Variants in ATAD2 observed in about 807,000 individuals in gnomAD.
ATAD2 encodes the protein ATPase family AAA domain containing 2.
In ATAD2, 62 loss-of-function variants were observed where a neutral mutation model predicts 168.9. The observed-to-expected ratio is 0.37, with a 90% CI of 0.30 to 0.45. The LOEUF is 0.45. Among genes scored for constraint, ATAD2 ranks in the 20% least tolerant of loss-of-function variants. ATAD2 has a pLI of 1.00. For missense variants in ATAD2, 1,419 were observed against 1,667.8 expected (o/e 0.85, Z 2.60); for synonymous variants, 613 against 571.6 (o/e 1.07, Z -1.03).
chr8:123,401,247 C>A, upstream of ATAD2: 1 of 942,386 alleles, frequency 1.1e-6, no homozygotes, highest in Non-Finnish European at 1.7e-6. Context: ...TCATTGCCCT[C>A]ACCGACCTGA....
intron 26 of ATAD2, among the ~76,000 whole-genome samples, chr8:123,324,110 A>G (rs991930672): frequency 3.9e-5 from 6 of 152,208 alleles, no homozygotes; most frequent in Non-Finnish European, 7.3e-5. Flanking sequence ...AGTTCCACAT[A>G]TATTTTTTAA....
chr8:123,353,687 G>C (rs758640520), intron 13 of ATAD2, among the ~76,000 whole-genome samples: 9 of 152,032 alleles, frequency 5.9e-5, no homozygotes, highest in Non-Finnish European at 1.0e-4. Context: ...ACCACACTCA[G>C]GGATGGACAT....
At chr8:123,385,185 T>C (rs1446369943) in intron 1 of ATAD2, among the ~76,000 whole-genome samples, 1 of 152,174 alleles carries the variant, frequency 6.6e-6, no homozygotes, top group Non-Finnish European at 1.5e-5. Context: ...CTGTTATTGA[T>C]GAGCATGCTA....
At chr8:123,364,330 T>C (rs1828908330) in intron 8 of ATAD2, among the ~76,000 whole-genome samples, 1 of 152,128 alleles carries the variant, frequency 6.6e-6, no homozygotes, top group African/African-American at 2.4e-5. Flanking sequence ...TAGCAATTAC[T>C]CTATACTGTA....
rs1421836817 is a variant in ATAD2, at chr8:123,347,384, T to C, written c.1920A>G (p.Lys640=). The C allele has an allele frequency of 1.2e-6, 2 of 1,612,518 alleles. No individual in the cohort carries two copies. Among genetic ancestry groups the C allele is most frequent in the Middle Eastern group, 1.6e-4 (1 of 6,080 alleles). Residue 640 remains lysine (K), a synonymous_variant, in exon 16 of 28, where the codon AAA becomes AAG. Coordinates refer to ENST00000287394, the MANE Select transcript of ATAD2 (RefSeq NM_014109.4). ...NCVGYCGADI[K]SICAEAALCA... ...ATAAAGCAGCTTCAGCACATATTGA[T>C]TTAATATCTGCTCCACAGTATCCTA...
chr8:123,396,594 G>A (rs1812850611), upstream of ATAD2: 2 of 542,656 alleles, frequency 3.7e-6, no homozygotes, highest in African/African-American at 2.0e-5. Flanking sequence ...AACGTGGAGA[G>A]GAACACAGGC....
chr8:123,353,198 T>C (rs187199771), intron 13 of ATAD2, among the ~76,000 whole-genome samples: 254 of 152,202 alleles, frequency 1.7e-3, no homozygotes, highest in African/African-American at 5.6e-3. Context: ...ACCCCGTCTC[T>C]ACTAAAAGTT....
Position 123,396,331 on chromosome 8 carries a change from C to T in ATAD2, c.27G>A (p.Glu9=), listed in dbSNP as rs1186636397. MVVLRSSL[E]LHNHSAASAT... is the part of the protein sequence containing the mutation. Reference sequence around the variant, plus strand: ...CCGAGGCCGCGGAGTGGTTGTGCAGCTCCAAGCTGCTGCGGAGAACCACCA... The same window carrying T: ...CCGAGGCCGCGGAGTGGTTGTGCAGTTCCAAGCTGCTGCGGAGAACCACCA... Residue 9 remains glutamate (E), a synonymous_variant, in exon 1 of 28, where the codon GAG becomes GAA. Transcript: ENST00000287394. 1 of 1,601,756 alleles carries T rather than the reference C, an allele frequency of 6.2e-7. No homozygotes were observed. Among genetic ancestry groups the T allele is most frequent in the Non-Finnish European group, 8.5e-7 (1 of 1,175,536 alleles).
At chr8:123,336,735 GTAA>G (rs199629859) in intron 21 of ATAD2, among the ~76,000 whole-genome samples, 3,509 of 152,146 alleles carry the variant, frequency 0.023, 138 homozygotes, top group African/African-American at 0.081. Context: ...GTATCCTCCA[GTAA>G]TTGTTTCTTA....
chr8:123,358,688 C>T (rs957722689), intron 11 of ATAD2, among the ~76,000 whole-genome samples: 2 of 149,832 alleles, frequency 1.3e-5, no homozygotes, highest in African/African-American at 2.5e-5. Context: ...TTAAAACCCA[C>T]CAGTGTTTAC....
rs542261611 is a variant in ATAD2, at chr8:123,368,105, T to C, written c.1049+953A>G. Among the ~76,000 whole-genome samples, 156 of 152,332 alleles carry C rather than the reference T, an allele frequency of 1.0e-3. No individual in the cohort carries two copies. In the Middle Eastern group the frequency reaches 0.017, roughly 17 times the overall value. Reference sequence around the variant, plus strand: ...CTACCAAAATGATTATTCCAATGCATTGATGAGGAAGTATCAAGAATTATC... The same window carrying C: ...CTACCAAAATGATTATTCCAATGCACTGATGAGGAAGTATCAAGAATTATC... On this transcript the variant is annotated intron_variant, in intron 8 of 27. Transcript: ENST00000287394.
intron 11 of ATAD2, among the ~76,000 whole-genome samples, chr8:123,357,978 A>G (rs192851162): frequency 1.1e-3 from 169 of 152,348 alleles, no homozygotes; most frequent in African/African-American, 3.8e-3. Context: ...CAATTCATTC[A>G]TCATGTTCAT....
At chr8:123,342,122 ATAAAG>A (rs1182239194) in intron 19 of ATAD2, among the ~76,000 whole-genome samples, 1 of 152,218 alleles carries the variant, frequency 6.6e-6, no homozygotes, top group Non-Finnish European at 1.5e-5. Context: ...ATAAAATAAA[ATAAAG>A]TAAAATAAAG....
chr8:123,346,674 A>G lies in ATAD2; in HGVS notation c.2289T>C (p.Leu763=). Residue 763 remains leucine, a synonymous_variant, in exon 17 of 28, where the codon CTT becomes CTC. Transcript: ENST00000287394. Reference sequence around the variant, plus strand: ...TTGCCTTATGAGAAGATTTCTGAGAAAGTCCATTTTCATAAACTGATGGAA... The same window carrying G: ...TTGCCTTATGAGAAGATTTCTGAGAGAGTCCATTTTCATAAACTGATGGAA... ...DDVPSVYENG[L]SQKSSHKAKD... is the part of the protein sequence containing the mutation. 6.3e-7 allele frequency: 1 copy of G among 1,589,216 alleles called. No individual in the cohort carries two copies. Among genetic ancestry groups the G allele is most frequent in the Non-Finnish European group, 8.6e-7 (1 of 1,166,324 alleles).
rs1563868647 is a variant in ATAD2, at chr8:123,396,354, C to A, written c.4G>T (p.Val2Leu). The A allele has an allele frequency of 1.3e-6, 2 of 1,590,034 alleles. No homozygotes were observed. Among genetic ancestry groups the A allele is most frequent in the Non-Finnish European group, 1.7e-6 (2 of 1,169,564 alleles). ...AGCTCCAAGCTGCTGCGGAGAACCA[C>A]CATCTTCTCTCCCTACTGGCCTCGG... M[V>L]VLRSSLELHN... The change falls in exon 1 of 28, where the codon GTG becomes TTG. Residue 2 changes from valine (V) to leucine (L), a missense_variant. Physicochemically the swap from Val to Leu is conservative, Grantham distance 32 (BLOSUM62 1). Coordinates refer to ENST00000287394, the MANE Select transcript of ATAD2 (RefSeq NM_014109.4).
chr8:123,349,060 T>C (rs1432725505), intron 14 of ATAD2, among the ~76,000 whole-genome samples: 1 of 152,184 alleles, frequency 6.6e-6, no homozygotes, highest in East Asian at 1.9e-4. Flanking sequence ...ACTTAGAACA[T>C]CCAAAGGCTA....
At chr8:123,365,489 G>C (rs1828948127) in intron 8 of ATAD2, among the ~76,000 whole-genome samples, 2 of 152,078 alleles carry the variant, frequency 1.3e-5, no homozygotes, top group African/African-American at 4.8e-5. Context: ...TAAGCAAAAA[G>C]AACAAATCTG....
chr8:123,397,517 T>C (rs539030765), upstream of ATAD2, among the ~76,000 whole-genome samples: 41 of 151,706 alleles, frequency 2.7e-4, no homozygotes, highest in African/African-American at 9.9e-4. Context: ...CTTGACTACT[T>C]TGAAATAGGT....
intron 12 of ATAD2, among the ~76,000 whole-genome samples, chr8:123,356,964 C>T (rs1430642051): frequency 6.6e-6 from 1 of 152,026 alleles, no homozygotes; most frequent in Non-Finnish European, 1.5e-5. Flanking sequence ...CGTTCCTGGA[C>T]ACGCAAAAAT....
Sources: gnomAD v4.1 joint callset for allele counts (sites outside exome capture counted in the v4.1 genomes callset) on GRCh38, gnomAD v4.1.1 for gene constraint, MANE v1.5 for transcripts, NCBI Gene and HGNC (gene_info 2026-07-23, HGNC 2026-07-21) for gene names.